DNAH11: variants seen among roughly 807,000 people sequenced by gnomAD.
DNAH11 encodes dynein axonemal heavy chain 11.
DNAH11 carries 442 observed loss-of-function variants against 526.0 expected under a neutral mutation model. The ratio of observed to expected loss-of-function variants is 0.84; its 90% CI spans 0.78 to 0.91. The LOEUF is 0.91. Ranked by LOEUF, DNAH11 falls within the 40% of genes least tolerant of loss-of-function variation. The probability of loss-of-function intolerance (pLI) is 0.00; values close to 1 mark genes in which losing one functional copy is unlikely to be tolerated. For missense variants in DNAH11, 6,989 were observed against 5,448.7 expected, an observed-to-expected ratio of 1.28 and a Z score of -8.90; for synonymous variants, 2,461 against 1,935.9, an observed-to-expected ratio of 1.27 and a Z score of -7.12.
chr7:21,705,976 T>G (rs1784248069), intron 39 of DNAH11, among the ~76,000 whole-genome samples: 1 of 152,166 alleles, frequency 6.6e-6, no homozygotes, highest in African/African-American at 2.4e-5. Flanking sequence ...ATCAAACCTA[T>G]TTTCTTTTCC....
chr7:21,614,147 T>G (rs1785657946), intron 20 of DNAH11, among the ~76,000 whole-genome samples: 1 of 152,158 alleles, frequency 6.6e-6, no homozygotes, highest in Non-Finnish European at 1.5e-5. Context: ...GAAAAAGAGT[T>G]GAAGGTTGAT....
chr7:21,665,034 A>G (rs980876624), intron 30 of DNAH11, among the ~76,000 whole-genome samples: 2 of 151,852 alleles, frequency 1.3e-5, no homozygotes, highest in African/African-American at 4.8e-5. Flanking sequence ...CTCTGCTTTG[A>G]GGCTCATTCT....
intron 56 of DNAH11, among the ~76,000 whole-genome samples, chr7:21,776,660 T>G (rs886402732): frequency 6.6e-6 from 1 of 152,242 alleles, no homozygotes; most frequent in Non-Finnish European, 1.5e-5. Context: ...TCAGTCACTT[T>G]GAATATTTCA....
chr7:21,831,011 C>G (rs535636113), intron 65 of DNAH11, among the ~76,000 whole-genome samples: 8 of 152,310 alleles, frequency 5.3e-5, no homozygotes, highest in African/African-American at 1.7e-4. Flanking sequence ...CCTATGGGAG[C>G]AGCCCCGTGC....
intron 67 of DNAH11, among the ~76,000 whole-genome samples, chr7:21,853,065 C>T (rs11770581): frequency 0.56 from 84,969 of 151,854 alleles, 25,615 homozygotes; most frequent in Non-Finnish European, 0.69. Context: ...GGCAGGATAC[C>T]GAGCAAAGGA....
At chr7:21,747,779 G>T (rs1786213818) in intron 51 of DNAH11, among the ~76,000 whole-genome samples, 1 of 152,188 alleles carries the variant, frequency 6.6e-6, no homozygotes, top group African/African-American at 2.4e-5. Context: ...AGAAACAAGT[G>T]CTTGATTTGC....
chr7:21,901,156 C>CT lies in DNAH11; in HGVS notation c.13454dup (p.Arg4486GlufsTer34), dbSNP rs1390018520. On this transcript the variant is annotated frameshift_variant, in exon 82 of 82. Transcript: ENST00000409508. LOFTEE classifies it high-confidence loss of function. Reference sequence around the variant, plus strand: ...CGAGTGCCCTGTGTATAGAACCAAACTGAGAGGCCCCAGCTACATCTGGAC... The same window carrying CT: ...CGAGTGCCCTGTGTATAGAACCAAACTTGAGAGGCCCCAGCTACATCTGGAC... 5.0e-6 allele frequency: 8 copies of CT among 1,612,666 alleles called. No homozygotes were observed. The highest frequency in any genetic ancestry group is 1.3e-5 in the African/African-American group (1 of 74,876).
intron 64 of DNAH11, among the ~76,000 whole-genome samples, chr7:21,817,389 G>A (rs78198394): frequency 6.6e-6 from 1 of 151,868 alleles, no homozygotes; most frequent in Non-Finnish European, 1.5e-5. Flanking sequence ...ACAAGTAAAT[G>A]TAGTTCTTAG....
chr7:21,675,100 A>G (rs1782818155), intron 30 of DNAH11, among the ~76,000 whole-genome samples: 1 of 152,148 alleles, frequency 6.6e-6, no homozygotes, highest in Non-Finnish European at 1.5e-5. Context: ...CCTCCAATTC[A>G]TTCTTTACAG....
intron 28 of DNAH11, among the ~76,000 whole-genome samples, chr7:21,654,516 T>C (rs1781927919): frequency 6.6e-6 from 1 of 152,220 alleles, no homozygotes; most frequent in Non-Finnish European, 1.5e-5. Context: ...TTTCCGCCTT[T>C]TGGCTATTGT....
chr7:21,854,312 T>C lies in DNAH11; in HGVS notation c.11062-3T>C. ...TTACTTATTTTGTTTGATCCCACCA[T>C]AGGTGATTGAAGCCAAAGAAAATGA... On this transcript the variant is annotated splice_region_variant and splice_polypyrimidine_tract_variant and intron_variant, in intron 67 of 81. Transcript: ENST00000409508. The C allele has an allele frequency of 2.5e-6, 4 of 1,613,558 alleles. No individual in the cohort carries two copies. Among genetic ancestry groups the C allele is most frequent in the Non-Finnish European group, 3.4e-6 (4 of 1,179,732 alleles).
chr7:21,561,373 G>C, intron 5 of DNAH11: 1 of 430,602 alleles, frequency 2.3e-6, no homozygotes, highest in Non-Finnish European at 4.1e-6. Context: ...GTATATAGTA[G>C]TACCTGCCAA....
chr7:21,738,748 C>T lies in DNAH11; in HGVS notation c.7693C>T (p.Pro2565Ser), dbSNP rs1785733654. ...GAAAAAAGCTGGTCATAACTATGGT[C>T]CTGGAGGAAATAAAAAATTGATTTA... ...LEKKAGHNYG[P>S]GGNKKLIYFI... Residue 2565 changes from proline (P) to serine (S), a missense_variant, in exon 47 of 82, where the codon CCT becomes TCT. By Grantham distance (74) the Pro-to-Ser change is moderately conservative. Coordinates refer to ENST00000409508, the MANE Select transcript of DNAH11 (RefSeq NM_001277115.2). 1 of 1,586,906 alleles carries T rather than the reference C, an allele frequency of 6.3e-7. No individual in the cohort carries two copies. The highest frequency in any genetic ancestry group is 8.6e-7 in the Non-Finnish European group (1 of 1,165,852).
chr7:21,601,349 T>C (rs1198331347), intron 17 of DNAH11, 47 bp from the exon 18 acceptor site: 9 of 1,550,674 alleles, frequency 5.8e-6, no homozygotes, highest in Non-Finnish European at 7.9e-6. Flanking sequence ...GCTAAATGTT[T>C]TAATAAACTT....
intron 59 of DNAH11, 148 bp from the exon 60 acceptor site, chr7:21,787,253 A>C (rs1788231691): frequency 1.4e-6 from 1 of 689,998 alleles, no homozygotes; most frequent in African/African-American, 1.8e-5. Context: ...CGTACTATAA[A>C]GACTGAAAAA....
At chr7:21,578,889 A>G (rs1016636404) in intron 8 of DNAH11, among the ~76,000 whole-genome samples, 1 of 151,302 alleles carries the variant, frequency 6.6e-6, no homozygotes, top group African/African-American at 2.4e-5. Context: ...CCCCAAACCT[A>G]CTCTTGCCTG....
rs115858568 is a variant in DNAH11, at chr7:21,846,293, G to A, written c.10896+3545G>A. ...TTGAGTAGGAGTGGAACCTTGCCTC[G>A]TTCCTGATCTTAGGGCAAAAGCATC... On this transcript the variant is annotated intron_variant, in intron 66 of 81. Transcript: ENST00000409508. 8.0e-3 allele frequency among the ~76,000 whole-genome samples: 1,219 copies of A among 152,136 alleles called. 20 individuals are homozygous for A. The highest frequency in any genetic ancestry group is 0.027 in the African/African-American group (1,117 of 41,508).
intron 61 of DNAH11, among the ~76,000 whole-genome samples, chr7:21,791,484 T>G (rs990611372): frequency 2.0e-5 from 3 of 152,082 alleles, no homozygotes; most frequent in African/African-American, 7.2e-5. Context: ...GAAAACAGAG[T>G]GCATACATTG....
chr7:21,871,198 G>A (rs900259377), intron 73 of DNAH11, among the ~76,000 whole-genome samples: 5 of 152,082 alleles, frequency 3.3e-5, no homozygotes, highest in African/African-American at 9.7e-5. Flanking sequence ...GTAGCAGGCC[G>A]GCAACTATCT....
Sources: allele counts gnomAD v4.1 joint callset (sites outside exome capture counted in the v4.1 genomes callset), GRCh38; gene constraint gnomAD v4.1.1; transcripts MANE v1.5; gene names NCBI Gene and HGNC (gene_info 2026-07-23, HGNC 2026-07-21).